Variants in MEI1 observed in about 807,000 individuals in gnomAD.
MEI1 encodes the protein meiotic double-stranded break formation protein 1, also known as meiosis inhibitor protein 1.
A neutral mutation model predicts 146.2 loss-of-function variants in MEI1; 103 were observed. The observed-to-expected ratio is 0.70, with a 90% CI of 0.60 to 0.83. MEI1 has a LOEUF of 0.83. Ranked by LOEUF, MEI1 falls within the 40% of genes least tolerant of loss-of-function variation. MEI1 has a pLI of 0.00. For synonymous variants in MEI1, 652 were observed against 628.2 expected, an observed-to-expected ratio of 1.04 and a Z score of -0.57; for missense variants, 1,529 against 1,533.0, an observed-to-expected ratio of 1.00 and a Z score of 0.04.
intron 11 of MEI1, among the ~76,000 whole-genome samples, chr22:41,740,297 C>T (rs376862299): frequency 6.6e-6 from 1 of 151,804 alleles, no homozygotes; most frequent in African/African-American, 2.4e-5. Flanking sequence ...GGATTATAGG[C>T]GTGATCCACC....
At chr22:41,746,084 C>A in intron 14 of MEI1, 58 bp downstream of exon 14, 2 of 1,489,306 alleles carry the variant, frequency 1.3e-6, no homozygotes, top group Non-Finnish European at 1.8e-6. Flanking sequence ...AATGTGCAGG[C>A]GAGCCAGGCT....
chr22:41,781,600 C>G (rs968282954), intron 23 of MEI1, 85 bp from the exon 24 acceptor site: 45 of 1,473,054 alleles, frequency 3.1e-5, no homozygotes, highest in Non-Finnish European at 5.5e-6. Flanking sequence ...TTGTGAAGCC[C>G]CAATCAGGTG....
At chr22:41,732,367 A>G in intron 10 of MEI1, 23 bp downstream of exon 10, 1 of 1,613,222 alleles carries the variant, frequency 6.2e-7, no homozygotes, top group Non-Finnish European at 8.5e-7. Flanking sequence ...GTGGAACATG[A>G]GGCTTGTAGG....
At chr22:41,709,092 A>G in intron 3 of MEI1, 2 of 579,074 alleles carry the variant, frequency 3.5e-6, no homozygotes, top group South Asian at 1.8e-5. Context: ...AAAATATAAC[A>G]GTGAAGTGTT....
At chr22:41,703,282 A>G (rs937476876) in intron 1 of MEI1, 49 bp from the exon 2 acceptor site, 4 of 1,594,734 alleles carry the variant, frequency 2.5e-6, no homozygotes, top group African/African-American at 1.3e-5. Flanking sequence ...TGGATTCAGA[A>G]TAGCCAAAAT....
intron 6 of MEI1, among the ~76,000 whole-genome samples, chr22:41,721,719 CTT>C (rs58572782): frequency 1.8e-4 from 18 of 102,202 alleles, no homozygotes; most frequent in Admixed American, 3.5e-4. Flanking sequence ...AATGCTACCC[CTT>C]TTTTTTTTTT....
chr22:41,718,979 CTTT>C (rs146120400), intron 6 of MEI1, among the ~76,000 whole-genome samples: 3 of 111,214 alleles, frequency 2.7e-5, no homozygotes, highest in African/African-American at 4.3e-5. Context: ...TCAAGTGATT[CTTT>C]TTTTTTTTTT....
chr22:41,799,020 C>G (rs1423722996), intron 30 of MEI1, among the ~76,000 whole-genome samples: 1 of 152,094 alleles, frequency 6.6e-6, no homozygotes, highest in East Asian at 1.9e-4. Flanking sequence ...TCCTCTGCAC[C>G]CCTCTGGCTG....
chr22:41,713,670 T>G (rs746214701), intron 3 of MEI1, among the ~76,000 whole-genome samples: 6 of 152,172 alleles, frequency 3.9e-5, no homozygotes, highest in Non-Finnish European at 8.8e-5. Context: ...TGCCTCAACC[T>G]CCCGAGTAGC....
intron 30 of MEI1, among the ~76,000 whole-genome samples, chr22:41,796,430 G>A (rs187660776): frequency 0.016 from 2,449 of 150,954 alleles, 48 homozygotes; most frequent in Admixed American, 0.059. Context: ...TCCTGACCTT[G>A]CGATCTGCCC....
intron 26 of MEI1, among the ~76,000 whole-genome samples, chr22:41,785,027 C>A (rs1353349182): frequency 1.3e-5 from 2 of 151,622 alleles, no homozygotes; most frequent in African/African-American, 4.8e-5. Flanking sequence ...ACCTCCGCCT[C>A]CCGGGTTCAA....
At chr22:41,776,313 C>T (rs373765934) in intron 21 of MEI1, 46 bp downstream of exon 21, 9 of 1,597,678 alleles carry the variant, frequency 5.6e-6, no homozygotes, top group East Asian at 2.2e-5. Context: ...GAAAGCCAGT[C>T]GAGAATGGGC....
intron 16 of MEI1, among the ~76,000 whole-genome samples, 199 bp downstream of exon 16, chr22:41,752,850 T>C (rs1407142172): frequency 6.6e-6 from 1 of 152,158 alleles, no homozygotes; most frequent in African/African-American, 2.4e-5. Context: ...GTAAGGATCT[T>C]ATTCCTGGTG....
At chr22:41,700,194 G>A (rs1024079038) in intron 1 of MEI1, among the ~76,000 whole-genome samples, 1 of 152,192 alleles carries the variant, frequency 6.6e-6, no homozygotes, top group African/African-American at 2.4e-5. Context: ...CGGAGGAGGG[G>A]CAGTCTGGGC....
intron 6 of MEI1, among the ~76,000 whole-genome samples, chr22:41,721,368 C>A (rs2070781318): frequency 6.6e-6 from 1 of 151,384 alleles, no homozygotes; most frequent in East Asian, 2.0e-4. Context: ...CCTCAGCCTC[C>A]TGAGTAGCTG....
intron 3 of MEI1, among the ~76,000 whole-genome samples, chr22:41,713,066 C>T (rs1344074077): frequency 6.6e-6 from 1 of 152,102 alleles, no homozygotes; most frequent in East Asian, 1.9e-4. Context: ...ATCTCGGCCT[C>T]CCAAAGCGCT....
intron 6 of MEI1, among the ~76,000 whole-genome samples, chr22:41,718,590 T>C (rs1260539779): frequency 6.6e-6 from 1 of 152,228 alleles, no homozygotes; most frequent in African/African-American, 2.4e-5. Flanking sequence ...CCTGTCACTT[T>C]CTTAAGTCAG....
intron 15 of MEI1, among the ~76,000 whole-genome samples, chr22:41,749,715 C>A (rs951441628): frequency 6.6e-6 from 1 of 152,214 alleles, no homozygotes; most frequent in African/African-American, 2.4e-5. Flanking sequence ...GCATGTATCT[C>A]AGCCTCTTGC....
Position 41,744,966 on chromosome 22 carries a change from A to G in MEI1, c.1447-7A>G, listed in dbSNP as rs772542101. 6.5e-7 allele frequency: 1 copy of G among 1,530,150 alleles called. No individual in the cohort carries two copies. The highest frequency in any genetic ancestry group is 2.1e-5 in the Admixed American group (1 of 47,506). The allele number at this position is 1,530,150 out of a possible 1,614,324, so 94.8% of individuals were successfully genotyped here. On this transcript the variant is annotated splice_polypyrimidine_tract_variant and splice_region_variant and intron_variant, in intron 12 of 30. Coordinates refer to ENST00000401548, the MANE Select transcript of MEI1 (RefSeq NM_152513.4). Reference sequence around the variant, plus strand: ...CACTAGGTTCCTGTCTCTCCTTCCCACCTCAGGGCCATGCCTCCAGTAGAG... The same window carrying G: ...CACTAGGTTCCTGTCTCTCCTTCCCGCCTCAGGGCCATGCCTCCAGTAGAG...
Sources: gnomAD v4.1 joint callset for allele counts (sites outside exome capture counted in the v4.1 genomes callset) on GRCh38, gnomAD v4.1.1 for gene constraint, MANE v1.5 for transcripts, NCBI Gene and HGNC (gene_info 2026-07-23, HGNC 2026-07-21) for gene names.